The following FBXL18 variants were observed in gnomAD, a reference collection of about 807,000 sequenced individuals.
FBXL18 encodes F-box and leucine rich repeat protein 18.
FBXL18 carries 36 observed loss-of-function variants against 46.0 expected under a neutral mutation model. The observed-to-expected ratio is 0.78, with a 90% CI of 0.60 to 1.03. The LOEUF is 1.03. Among genes scored for constraint, FBXL18 ranks in the 50% least tolerant of loss-of-function variants. FBXL18 has a pLI of 0.00. For synonymous variants in FBXL18, 557 were observed against 465.3 expected (o/e 1.20, Z -2.54); for missense variants, 977 against 1,004.1 (o/e 0.97, Z 0.36).
chr7:5,498,068 T>G (rs1784129684), intron 3 of FBXL18, among the ~76,000 whole-genome samples: 1 of 151,848 alleles, frequency 6.6e-6, no homozygotes, highest in Admixed American at 6.6e-5. Context: ...TTTTTTTTCT[T>G]TTTTCTTTTT....
At chr7:5,512,555 A>C (rs1340855823) in intron 1 of FBXL18, among the ~76,000 whole-genome samples, 3 of 152,204 alleles carry the variant, frequency 2.0e-5, no homozygotes, top group Admixed American at 1.3e-4. Flanking sequence ...CGGAGGTTGC[A>C]GATCACACCG....
chr7:5,466,051 CA>C, intron 4 of FBXL18, among the ~76,000 whole-genome samples: 1 of 152,140 alleles, frequency 6.6e-6, no homozygotes, highest in African/African-American at 2.4e-5. Context: ...CTCCTAACCT[CA>C]GGTGATCTGC....
chr7:5,494,471 A>G (rs547474988), intron 3 of FBXL18, among the ~76,000 whole-genome samples: 80 of 152,202 alleles, frequency 5.3e-4, no homozygotes, highest in Admixed American at 1.1e-3. Flanking sequence ...TAAATAATAA[A>G]ATAAAACATC....
intron 3 of FBXL18, among the ~76,000 whole-genome samples, chr7:5,493,861 C>G (rs929206100): frequency 6.6e-6 from 1 of 151,790 alleles, no homozygotes; most frequent in Non-Finnish European, 1.5e-5. Flanking sequence ...CAGCCAGGTG[C>G]GGTGGCTCAC....
intron 4 of FBXL18, among the ~76,000 whole-genome samples, chr7:5,487,080 G>A (rs1783795634): frequency 6.6e-6 from 1 of 152,382 alleles, no homozygotes; most frequent in Middle Eastern, 3.4e-3. Flanking sequence ...CTGGGCCTTG[G>A]GCGCAGCTGC....
intron 1 of FBXL18, 33 bp downstream of exon 1, chr7:5,513,624 C>A: frequency 6.2e-7 from 1 of 1,611,758 alleles, no homozygotes; most frequent in Non-Finnish European, 8.5e-7. Context: ...GCCGCCGAGG[C>A]AGAAGCAGAG....
At chr7:5,486,774 C>T (rs1290474990) in intron 4 of FBXL18, among the ~76,000 whole-genome samples, 1 of 152,230 alleles carries the variant, frequency 6.6e-6, no homozygotes, top group Non-Finnish European at 1.5e-5. Context: ...TCACCAGCAA[C>T]AGGTCACCGG....
chr7:5,511,913 C>G (rs1784544341), intron 1 of FBXL18, among the ~76,000 whole-genome samples: 1 of 151,786 alleles, frequency 6.6e-6, no homozygotes, highest in Non-Finnish European at 1.5e-5. Context: ...CACACCTCAT[C>G]TCTAAAAAAA....
chr7:5,510,511 G>C (rs982765571), intron 1 of FBXL18, among the ~76,000 whole-genome samples: 2 of 151,474 alleles, frequency 1.3e-5, no homozygotes, highest in African/African-American at 4.9e-5. Context: ...GTGAAACCCC[G>C]TTTCCACTAA....
chr7:5,490,508 G>T (rs1338043148), intron 4 of FBXL18, among the ~76,000 whole-genome samples: 1 of 152,232 alleles, frequency 6.6e-6, no homozygotes, highest in East Asian at 1.9e-4. Context: ...GGGAAGAGGG[G>T]CCAGACTATG....
At chr7:5,460,460 A>T (rs9690929) in intron 4 of FBXL18, among the ~76,000 whole-genome samples, 30,987 of 151,690 alleles carry the variant, frequency 0.2, 3,565 homozygotes, top group African/African-American at 0.3. Context: ...TAACTTTGTT[A>T]TTTTGTTTTT....
chr7:5,482,129 G>C (rs1411505433), intron 4 of FBXL18, among the ~76,000 whole-genome samples, 198 bp from the exon 5 acceptor site: 1 of 152,212 alleles, frequency 6.6e-6, no homozygotes, highest in South Asian at 2.1e-4. Flanking sequence ...CTGGGGAGGA[G>C]CACGGCAGCC....
chr7:5,465,308 C>A (rs1046925789), intron 4 of FBXL18, among the ~76,000 whole-genome samples: 9 of 151,856 alleles, frequency 5.9e-5, no homozygotes, highest in African/African-American at 2.2e-4. Flanking sequence ...TTGAGTGATT[C>A]TCCTGCCCCA....
chr7:5,504,053 T>G (rs1026232061), intron 2 of FBXL18, among the ~76,000 whole-genome samples: 1 of 149,448 alleles, frequency 6.7e-6, no homozygotes, highest in African/African-American at 2.5e-5. Flanking sequence ...CAAAGCTTCA[T>G]GGAGAGGAGG....
chr7:5,461,988 C>A (rs567727878), intron 4 of FBXL18, among the ~76,000 whole-genome samples: 40 of 151,796 alleles, frequency 2.6e-4, no homozygotes, highest in Non-Finnish European at 4.4e-4. Flanking sequence ...CAGTGGTTCA[C>A]TCCTGTAATC....
At chr7:5,498,780 C>G (rs910517752) in intron 3 of FBXL18, among the ~76,000 whole-genome samples, 3 of 152,022 alleles carry the variant, frequency 2.0e-5, no homozygotes, top group African/African-American at 7.2e-5. Context: ...ACCATGTTGG[C>G]CAGACTGGTT....
intron 1 of FBXL18, among the ~76,000 whole-genome samples, chr7:5,508,469 C>G (rs1221560193): frequency 6.8e-6 from 1 of 147,340 alleles, no homozygotes; most frequent in Non-Finnish European, 1.5e-5. Flanking sequence ...ATTAGTGGGA[C>G]ACAGTGGCAT....
chr7:5,459,007 A>C (rs1330122507), intron 4 of FBXL18, among the ~76,000 whole-genome samples: 1 of 151,912 alleles, frequency 6.6e-6, no homozygotes, highest in African/African-American at 2.4e-5. Flanking sequence ...CAAAAAATTA[A>C]CTGGGCATGG....
At chr7:5,493,987 G>A (rs1320127959) in intron 3 of FBXL18, among the ~76,000 whole-genome samples, 1 of 151,878 alleles carries the variant, frequency 6.6e-6, no homozygotes, top group Admixed American at 6.6e-5. Context: ...AAATTAGCCA[G>A]GCAGGCCGGG....
Sources: allele counts gnomAD v4.1 joint callset (sites outside exome capture counted in the v4.1 genomes callset), GRCh38; gene constraint gnomAD v4.1.1; transcripts MANE v1.5; gene names NCBI Gene and HGNC (gene_info 2026-07-23, HGNC 2026-07-21).